The following UBE2D2 variants were observed in gnomAD, a reference collection of about 807,000 sequenced individuals.
UBE2D2 encodes ubiquitin conjugating enzyme E2 D2.
A neutral mutation model predicts 24.2 loss-of-function variants in UBE2D2; 2 were observed. That is an observed-to-expected ratio of 0.08 (90% CI 0.03 to 0.26). The LOEUF is 0.26. UBE2D2 is among the 10% of genes least tolerant of loss of function. The probability of loss-of-function intolerance (pLI) is 1.00; values close to 1 mark genes in which losing one functional copy is unlikely to be tolerated. For missense variants in UBE2D2, 44 were observed against 177.6 expected (o/e 0.25, Z 4.28); for synonymous variants, 58 against 56.5 (o/e 1.03, Z -0.12).
intron 1 of UBE2D2, among the ~76,000 whole-genome samples, chr5:139,528,931 C>A (rs1752569638): frequency 6.6e-6 from 1 of 152,102 alleles, no homozygotes; most frequent in Admixed American, 6.6e-5. Flanking sequence ...GATGACAAGC[C>A]CTGCTCCAGT....
chr5:139,548,193 A>AAAAAAAATAAATAAATAAATAAAT, intron 1 of UBE2D2, among the ~76,000 whole-genome samples: 3 of 47,102 alleles, frequency 6.4e-5, no homozygotes, highest in South Asian at 6.6e-4. Context: ...ATAAAAAAAA[A>AAAAAAAATAAATAAATAAATAAAT]AAATAAATAA....
At chr5:139,624,146 A>G (rs896761479) in intron 6 of UBE2D2, among the ~76,000 whole-genome samples, 2 of 152,220 alleles carry the variant, frequency 1.3e-5, no homozygotes, top group African/African-American at 4.8e-5. Flanking sequence ...GACATAATCT[A>G]AAGGAAGAAA....
At chr5:139,538,314 A>T (rs749898051) in intron 1 of UBE2D2, among the ~76,000 whole-genome samples, 1 of 152,118 alleles carries the variant, frequency 6.6e-6, no homozygotes, top group African/African-American at 2.4e-5. Flanking sequence ...AAATAAAAGT[A>T]CTTTATAGAA....
chr5:139,582,698 TCTTGCTCTGTCGCC>T (rs1461057688), intron 1 of UBE2D2, among the ~76,000 whole-genome samples: 1 of 137,766 alleles, frequency 7.3e-6, no homozygotes, highest in African/African-American at 2.8e-5. Context: ...TGAGACAGAG[TCTTGCTCTGTCGCC>T]CAGGCTGGAG....
chr5:139,609,952 C>T (rs1219210571), intron 2 of UBE2D2, among the ~76,000 whole-genome samples: 1 of 151,124 alleles, frequency 6.6e-6, no homozygotes, highest in Non-Finnish European at 1.5e-5. Flanking sequence ...TTTGTATTTT[C>T]AGTAGAGACA....
chr5:139,548,193 A>AAAAAAAAAAAAAAAAAATAAAT lies in UBE2D2; in HGVS notation c.-64+21584_-64+21585insAAAAAAAAAAAAAATAAATAAA. Among the ~76,000 whole-genome samples, 145 of 46,972 alleles carry AAAAAAAAAAAAAAAAAATAAAT rather than the reference A, an allele frequency of 3.1e-3. 9 individuals are homozygous for AAAAAAAAAAAAAAAAAATAAAT. Among genetic ancestry groups the AAAAAAAAAAAAAAAAAATAAAT allele is most frequent in the Non-Finnish European group, 4.1e-3 (108 of 26,262 alleles). 30.8% of individuals were successfully genotyped at this position (46,972 alleles called of 152,430 possible). On this transcript the variant is annotated intron_variant, in intron 1 of 6. Transcript: ENST00000511725. ...AAAAAAAAAAAAAAAATAAAAAAAA[A>AAAAAAAAAAAAAAAAAATAAAT]AAATAAATAAATAAATAAATAAACG... is the stretch of plus-strand genomic sequence containing the variant.
intron 1 of UBE2D2, among the ~76,000 whole-genome samples, chr5:139,544,868 C>A (rs1752805076): frequency 6.6e-6 from 1 of 151,858 alleles, no homozygotes; most frequent in Non-Finnish European, 1.5e-5. Flanking sequence ...CCTCTGCCTC[C>A]CAGGTTCAAG....
intron 1 of UBE2D2, among the ~76,000 whole-genome samples, chr5:139,535,273 C>T (rs908036266): frequency 2.7e-5 from 4 of 147,142 alleles, no homozygotes; most frequent in Non-Finnish European, 4.5e-5. Context: ...GGTGAAATCC[C>T]GTCTCTACTA....
chr5:139,563,658 C>T (rs1252985835), intron 1 of UBE2D2, among the ~76,000 whole-genome samples: 1 of 152,098 alleles, frequency 6.6e-6, no homozygotes, highest in Non-Finnish European at 1.5e-5. Flanking sequence ...ACCTGCCGGG[C>T]GCGGTGGCTC....
At chr5:139,620,558 T>C (rs959085363) in intron 5 of UBE2D2, among the ~76,000 whole-genome samples, 1 of 152,206 alleles carries the variant, frequency 6.6e-6, no homozygotes, top group African/African-American at 2.4e-5. Flanking sequence ...GCCAGAATTG[T>C]GGGTAACAGG....
At chr5:139,597,990 C>T (rs1298794405) in intron 1 of UBE2D2, among the ~76,000 whole-genome samples, 1 of 152,130 alleles carries the variant, frequency 6.6e-6, no homozygotes, top group Middle Eastern at 3.2e-3. Context: ...CCAGCTCCAC[C>T]TCCCGGGTTC....
intron 1 of UBE2D2, among the ~76,000 whole-genome samples, chr5:139,581,616 A>G (rs778326336): frequency 1.3e-5 from 2 of 151,712 alleles, no homozygotes; most frequent in Non-Finnish European, 2.9e-5. Context: ...TATGTTTCAT[A>G]TAGGCCTTGC....
intron 1 of UBE2D2, among the ~76,000 whole-genome samples, chr5:139,537,081 G>A (rs746657984): frequency 4.6e-5 from 7 of 151,802 alleles, no homozygotes; most frequent in Non-Finnish European, 8.8e-5. Context: ...TACTCGGGAG[G>A]CTGAGGCAGG....
At chr5:139,596,815 G>C (rs1338309170) in intron 1 of UBE2D2, among the ~76,000 whole-genome samples, 1 of 151,962 alleles carries the variant, frequency 6.6e-6, no homozygotes, top group African/African-American at 2.4e-5. Context: ...GGGAGGCCGA[G>C]GTGGGCAGAT....
At chr5:139,614,669 T>A (rs774538470) in intron 3 of UBE2D2, 28 bp from the exon 4 acceptor site, 3 of 1,613,872 alleles carry the variant, frequency 1.9e-6, no homozygotes, top group Non-Finnish European at 2.5e-6. Flanking sequence ...TTTACTCATT[T>A]TAATCCCACT....
Position 139,562,460 on chromosome 5 carries a change from G to A in UBE2D2, c.24+645G>A, listed in dbSNP as rs1038371032. ...GAGGGAGAATCATTTTATTCCTTGAGGTTGCTGTATGTAGTTAGAAACTAA... is the reference window on the plus strand; with the variant it reads ...GAGGGAGAATCATTTTATTCCTTGAAGTTGCTGTATGTAGTTAGAAACTAA... On this transcript the variant is annotated intron_variant, in intron 1 of 6. Coordinates refer to ENST00000398733, the MANE Select transcript of UBE2D2 (RefSeq NM_003339.3). 1.2e-5 allele frequency: 15 copies of A among 1,282,436 alleles called. No homozygotes were observed. In the African/African-American group the frequency reaches 2.0e-4, roughly 17 times the overall value. 79.4% of individuals were successfully genotyped at this position (1,282,436 alleles called of 1,614,324 possible).
At chr5:139,588,199 G>A (rs1317102116) in intron 1 of UBE2D2, among the ~76,000 whole-genome samples, 1 of 151,962 alleles carries the variant, frequency 6.6e-6, no homozygotes, top group Non-Finnish European at 1.5e-5. Context: ...CTGGCCTCAA[G>A]CAGTCTTACT....
At chr5:139,553,685 T>C (rs1752947221) in intron 1 of UBE2D2, among the ~76,000 whole-genome samples, 1 of 152,192 alleles carries the variant, frequency 6.6e-6, no homozygotes. Flanking sequence ...CTGAAAATTC[T>C]TTACACCCTT....
At chr5:139,611,596 G>A (rs1754321857) in intron 2 of UBE2D2, among the ~76,000 whole-genome samples, 1 of 152,066 alleles carries the variant, frequency 6.6e-6, no homozygotes, top group African/African-American at 2.4e-5. Context: ...CTAAAGTTCT[G>A]AAATCTTTCA....
Sources: allele counts gnomAD v4.1 joint callset (sites outside exome capture counted in the v4.1 genomes callset), GRCh38; gene constraint gnomAD v4.1.1; transcripts MANE v1.5; gene names NCBI Gene and HGNC (gene_info 2026-07-23, HGNC 2026-07-21).